MARVELD2: variants seen among roughly 807,000 people sequenced by gnomAD.
MARVELD2 encodes the protein MARVEL domain containing 2.
A neutral mutation model predicts 57.6 loss-of-function variants in MARVELD2; 49 were observed. That is an observed-to-expected ratio of 0.85 (90% confidence interval 0.68 to 1.08). The LOEUF is 1.08. Among genes scored for constraint, MARVELD2 ranks in the 50% least tolerant of loss-of-function variants. The pLI, the probability that MARVELD2 is intolerant of heterozygous loss-of-function variation, is 0.00. For synonymous variants in MARVELD2, 238 were observed against 258.8 expected (o/e 0.92, Z 0.77); for missense variants, 606 against 701.1 (o/e 0.86, Z 1.53).
At chr5:69,417,122 T>TA (rs1766454654) in intron 1 of MARVELD2, among the ~76,000 whole-genome samples, 1 of 152,254 alleles carries the variant, frequency 6.6e-6, no homozygotes, top group African/African-American at 2.4e-5. Context: ...GCATTTGCGC[T>TA]AGCTATTCCA....
chr5:69,437,623 G>A (rs1767195951), intron 5 of MARVELD2, among the ~76,000 whole-genome samples: 1 of 151,450 alleles, frequency 6.6e-6, no homozygotes, highest in Admixed American at 6.6e-5. Flanking sequence ...GGCGGAGGTT[G>A]CAGTGAGACG....
At chr5:69,418,647 A>G (rs1180624291) in intron 1 of MARVELD2, among the ~76,000 whole-genome samples, 1 of 152,144 alleles carries the variant, frequency 6.6e-6, no homozygotes, top group East Asian at 1.9e-4. Context: ...CTCTAAAATG[A>G]CTTTGTTGAT....
rs1226957557 is a variant in MARVELD2, at chr5:69,419,900, A to T, written c.515A>T (p.Tyr172Phe). 3 of 1,613,998 alleles carry T rather than the reference A, an allele frequency of 1.9e-6. No homozygotes were observed. The highest frequency in any genetic ancestry group is 2.5e-6 in the Non-Finnish European group (3 of 1,180,030). ...CGACACACACAAACAGTTCGAACAT[A>T]CAGTGAGAAGGTGGAGGAGTATAAC... ...LDRHTQTVRTYSEKVEEYNLR... is the reference protein window; with the variant it reads ...LDRHTQTVRTFSEKVEEYNLR... Residue 172 changes from tyrosine (Y) to phenylalanine (F), a missense_variant, in exon 2 of 7, where the codon TAC becomes TTC. Coordinates refer to ENST00000325631, the MANE Select transcript of MARVELD2 (RefSeq NM_001038603.3).
chr5:69,418,807 A>C (rs1766505364), intron 1 of MARVELD2: 2 of 151,372 alleles, frequency 1.3e-5, no homozygotes, highest in Admixed American at 1.3e-4. Context: ...TGAGGAAATG[A>C]CTCTACTTGG....
chr5:69,418,541 T>G (rs1766498826), intron 1 of MARVELD2, among the ~76,000 whole-genome samples: 1 of 152,192 alleles, frequency 6.6e-6, no homozygotes, highest in Non-Finnish European at 1.5e-5. Context: ...TATTGTGCCT[T>G]GGGGGAGCCT....
chr5:69,424,444 C>T (rs555752899), intron 2 of MARVELD2, among the ~76,000 whole-genome samples, 157 bp from the exon 3 acceptor site: 5 of 152,186 alleles, frequency 3.3e-5, no homozygotes, highest in South Asian at 4.2e-4. Context: ...CTCCACTGGC[C>T]CTTCAAAACC....
chr5:69,441,603 A>G lies in MARVELD2; in HGVS notation c.1626A>G (p.Arg542=), dbSNP rs759181465. ...ATAAACTTTCTCACATAAAGCAAAG[A>G]ATTCAAGAATATGATAAAGTAATGA... ...LKNKLSHIKQ[R]IQEYDKVMNW... The change falls in exon 7 of 7, where the codon AGA becomes AGG. Residue 542 remains arginine (R), a synonymous_variant. Coordinates refer to ENST00000325631, the MANE Select transcript of MARVELD2 (RefSeq NM_001038603.3). The G allele has an allele frequency of 1.9e-6, 3 of 1,597,840 alleles. 1 individual carries two copies. In the African/African-American group the frequency reaches 4.0e-5, roughly 21 times the overall value.
intron 1 of MARVELD2, among the ~76,000 whole-genome samples, chr5:69,418,217 A>G (rs940840118): frequency 6.6e-6 from 1 of 152,180 alleles, no homozygotes; most frequent in Admixed American, 6.5e-5. Context: ...TAAGTCTTCA[A>G]TAATGAGTCT....
At position 69,419,725 on chromosome 5, in the gene MARVELD2, G is replaced by T. The variant is rs776202571; in HGVS notation, c.340G>T (p.Glu114Ter). Reference sequence around the variant, plus strand: ...TATCAGGTACATCTCCGATGGAGTGGAGTGTTCACCACCAGCCTCTCCAGC... The same window carrying T: ...TATCAGGTACATCTCCGATGGAGTGTAGTGTTCACCACCAGCCTCTCCAGC... ...SDIRYISDGV[E>*]CSPPASPARP... Residue 114 changes from glutamate to a stop codon, truncating the protein, a stop_gained, in exon 2 of 7, where the codon GAG (glutamate) becomes TAG (stop). Transcript: ENST00000325631. LOFTEE classifies it high-confidence loss of function. 1 of 1,614,126 alleles carries T rather than the reference G, an allele frequency of 6.2e-7. No individual in the cohort carries two copies. The highest frequency in any genetic ancestry group is 8.5e-7 in the Non-Finnish European group (1 of 1,180,032).
chr5:69,426,351 T>TTATTATTATTATTA (rs1561295691), intron 3 of MARVELD2, among the ~76,000 whole-genome samples: 2 of 22,622 alleles, frequency 8.8e-5, no homozygotes, highest in Non-Finnish European at 2.5e-4. Flanking sequence ...TATTATTATT[T>TTATTATTATTATTA]TTAGACAGAG....
At chr5:69,419,011 T>G (rs1390388073) in intron 1 of MARVELD2, 2 of 237,288 alleles carry the variant, frequency 8.4e-6, no homozygotes, top group Admixed American at 1.0e-4. Context: ...CACTGCAACC[T>G]CTGCCTCCCG....
intron 5 of MARVELD2, among the ~76,000 whole-genome samples, chr5:69,436,402 AAC>A (rs66984523): frequency 0.11 from 13,156 of 123,694 alleles, 652 homozygotes; most frequent in Middle Eastern, 0.19. Flanking sequence ...TATGTATGGG[AAC>A]ACACACACAC....
chr5:69,415,689 AC>A, intron 1 of MARVELD2: 1 of 152,268 alleles, frequency 6.6e-6, no homozygotes, highest in South Asian at 2.1e-4. Flanking sequence ...TCCGAAATCT[AC>A]CCGTTTCTTG....
chr5:69,419,243 G>A, intron 1 of MARVELD2, 128 bp from the exon 2 acceptor site: 1 of 982,822 alleles, frequency 1.0e-6, no homozygotes, highest in Non-Finnish European at 1.6e-6. Context: ...TATCATTTTT[G>A]TATATCATAA....
rs548247656 is a variant in MARVELD2, at chr5:69,421,618, A to T, written c.1146+1087A>T. ...TAGCAACAAATAGCGCTTTGGTTTT[A>T]AAATTTTTTTAATTTTTTTTTTCTT... On this transcript the variant is annotated intron_variant, in intron 2 of 6. Transcript: ENST00000325631. Among the ~76,000 whole-genome samples, 158 of 152,110 alleles carry T rather than the reference A, an allele frequency of 1.0e-3. 2 individuals carry two copies. The highest frequency in any genetic ancestry group is 1.3e-3 in the Non-Finnish European group (87 of 67,990).
chr5:69,419,623 C>A lies in MARVELD2; in HGVS notation c.238C>A (p.Arg80Ser). 6.2e-7 allele frequency: 1 copy of A among 1,614,082 alleles called. No homozygotes were observed. Among genetic ancestry groups the A allele is most frequent in the Non-Finnish European group, 8.5e-7 (1 of 1,180,002 alleles). Residue 80 changes from arginine (R) to serine (S), a missense_variant, in exon 2 of 7, where the codon CGC becomes AGC. Coordinates refer to ENST00000325631, the MANE Select transcript of MARVELD2 (RefSeq NM_001038603.3). ...AGCGCCAGATCTCAAACCAGTAAGGCGCTTTGTCCCTGACTCCTGGAAGAA... is the reference window on the plus strand; with the variant it reads ...AGCGCCAGATCTCAAACCAGTAAGGAGCTTTGTCCCTGACTCCTGGAAGAA... ...AIAPDLKPVR[R>S]FVPDSWKNFF...
intron 5 of MARVELD2, among the ~76,000 whole-genome samples, chr5:69,436,434 C>CACAT (rs2150930590): frequency 6.9e-6 from 1 of 144,130 alleles, no homozygotes; most frequent in African/African-American, 2.6e-5. Flanking sequence ...CACACACACA[C>CACAT]ACACACACAC....
intron 3 of MARVELD2, among the ~76,000 whole-genome samples, chr5:69,425,610 GA>G (rs1233178774): frequency 6.6e-6 from 1 of 151,552 alleles, no homozygotes; most frequent in East Asian, 1.9e-4. Flanking sequence ...GTGATTCTCT[GA>G]AACTTTCTTC....
chr5:69,437,323 G>T (rs569620297), intron 5 of MARVELD2, among the ~76,000 whole-genome samples: 2 of 150,388 alleles, frequency 1.3e-5, no homozygotes, highest in South Asian at 4.2e-4. Context: ...GGAGGCTCTG[G>T]TGTGCCAAGA....
Sources: gnomAD v4.1 joint callset for allele counts (sites outside exome capture counted in the v4.1 genomes callset) on GRCh38, gnomAD v4.1.1 for gene constraint, MANE v1.5 for transcripts, NCBI Gene and HGNC (gene_info 2026-07-23, HGNC 2026-07-21) for gene names.